Variants in RGPD3 observed in about 807,000 individuals in gnomAD.
RGPD3 encodes ranBP2-like and GRIP domain-containing protein 3.
In RGPD3, 62 loss-of-function variants were observed where a neutral mutation model predicts 154.5. The observed-to-expected ratio is 0.40, with a 90% CI of 0.33 to 0.50. RGPD3 has a LOEUF of 0.50. Among genes scored for constraint, RGPD3 ranks in the 20% least tolerant of loss-of-function variants. The probability of loss-of-function intolerance (pLI) is 0.59; values close to 1 mark genes in which losing one functional copy is unlikely to be tolerated. For synonymous variants in RGPD3, 308 were observed against 607.0 expected (o/e 0.51, Z 7.24); for missense variants, 919 against 1,716.8 (o/e 0.54, Z 8.21).
chr2:106,426,079 G>A lies in RGPD3; in HGVS notation c.2615C>T (p.Thr872Ile), dbSNP rs746213307. Residue 872 changes from threonine to isoleucine, a missense_variant, in exon 19 of 23, where the codon ACT becomes ATT. Transcript: ENST00000409886. ...CTGACTATAATATACTGAAGGGCCA[G>A]TAGTTGCAACTAAAAAAAAAAAAGA... ...FHGAPLTVAT[T>I]GPSVYYSQSP... is the part of the protein sequence containing the mutation. The A allele has an allele frequency of 5.0e-6, 8 of 1,591,114 alleles. No individual in the cohort carries two copies. The African/African-American group carries it at 6.8e-5, about 14-fold the overall frequency.
At chr2:106,461,724 T>A (rs1474800849) in intron 1 of RGPD3, among the ~76,000 whole-genome samples, 1 of 151,326 alleles carries the variant, frequency 6.6e-6, no homozygotes, top group Non-Finnish European at 1.5e-5. Flanking sequence ...TGGGAATAAA[T>A]GTAAACAAGG....
At chr2:106,444,675 A>G (rs1677852303) in intron 7 of RGPD3, among the ~76,000 whole-genome samples, 1 of 145,900 alleles carries the variant, frequency 6.9e-6, no homozygotes, top group East Asian at 2.0e-4. Flanking sequence ...AAATTTAACA[A>G]TGTAGCCAGG....
upstream of RGPD3, among the ~76,000 whole-genome samples, chr2:106,470,144 A>G (rs965514915): frequency 1.3e-5 from 2 of 152,240 alleles, no homozygotes; most frequent in African/African-American, 2.4e-5. Flanking sequence ...TGCCTAGCAC[A>G]TAGAAAATGC....
At chr2:106,449,729 C>G (rs1234597473) in intron 6 of RGPD3, among the ~76,000 whole-genome samples, 1 of 151,214 alleles carries the variant, frequency 6.6e-6, no homozygotes, top group South Asian at 2.1e-4. Flanking sequence ...GTCAAGAGAT[C>G]GAGACCAGCC....
Position 106,465,053 on chromosome 2 carries a change from G to A in RGPD3, c.72+3164C>T, listed in dbSNP as rs529316245. Among the ~76,000 whole-genome samples, 4 of 151,700 alleles carry A rather than the reference G, an allele frequency of 2.6e-5. No homozygotes were observed. In the South Asian group the frequency reaches 8.4e-4, roughly 32 times the overall value. On this transcript the variant is annotated intron_variant, in intron 1 of 22. Transcript: ENST00000409886. ...AACAAGAGGAGACTAACAAATGAAA[G>A]CACAATGGAAGACTAGAAAGATATG... is the stretch of plus-strand genomic sequence containing the variant.
At position 106,464,117 on chromosome 2, in the gene RGPD3, A is replaced by G. The variant is rs7573837; in HGVS notation, c.72+4100T>C. Among the ~76,000 whole-genome samples, 341 of 131,480 alleles carry G rather than the reference A, an allele frequency of 2.6e-3. 2 individuals are homozygous for G. The highest frequency in any genetic ancestry group is 9.9e-3 in the South Asian group (39 of 3,942). 86.3% of individuals were successfully genotyped at this position (131,480 alleles called of 152,430 possible). On this transcript the variant is annotated intron_variant, in intron 1 of 22. Coordinates refer to ENST00000409886, the MANE Select transcript of RGPD3 (RefSeq NM_001144013.2). ...TCCCGGCACTTTGGGAGGCTGAGGC[A>G]GGCGGATCATGAGGTCAGGAGATCG...
chr2:106,446,752 C>T (rs1175656446), intron 7 of RGPD3, among the ~76,000 whole-genome samples: 4 of 138,966 alleles, frequency 2.9e-5, no homozygotes, highest in Non-Finnish European at 4.7e-5. Flanking sequence ...CTTGGTAGCA[C>T]GGGCCTGTAG....
chr2:106,444,669 T>G (rs1220353938), intron 7 of RGPD3, among the ~76,000 whole-genome samples: 7 of 144,214 alleles, frequency 4.9e-5, no homozygotes, highest in African/African-American at 1.6e-4. Flanking sequence ...TACAAAAAAT[T>G]TAACAATGTA....
intron 7 of RGPD3, among the ~76,000 whole-genome samples, chr2:106,442,567 A>C (rs1677784436): frequency 7.4e-6 from 1 of 135,838 alleles, no homozygotes; most frequent in Non-Finnish European, 1.6e-5. Flanking sequence ...CAAATATTAA[A>C]ATTATTTTAT....
chr2:106,414,869 C>T (rs894935106), intron 21 of RGPD3, among the ~76,000 whole-genome samples: 3 of 151,764 alleles, frequency 2.0e-5, no homozygotes, highest in African/African-American at 4.8e-5. Context: ...CTATTAGGAG[C>T]AGCAAAGTAC....
intron 7 of RGPD3, among the ~76,000 whole-genome samples, chr2:106,446,889 T>TA (rs1440571118): frequency 6.7e-6 from 1 of 148,546 alleles, no homozygotes; most frequent in Non-Finnish European, 1.5e-5. Flanking sequence ...TCAAAAAAAA[T>TA]AAAAAAATAA....
chr2:106,432,337 C>T (rs1209792651), intron 17 of RGPD3, among the ~76,000 whole-genome samples: 1 of 148,084 alleles, frequency 6.8e-6, no homozygotes, highest in Non-Finnish European at 1.5e-5. Flanking sequence ...CCTGTAATCC[C>T]AGCTACTCGG....
Position 106,403,952 on chromosome 2 carries a change from A to G in RGPD3, c.*1267T>C, listed in dbSNP as rs1676436410. 6.6e-6 allele frequency among the ~76,000 whole-genome samples: 1 copy of G among 152,274 alleles called. No homozygotes were observed. Among genetic ancestry groups the G allele is most frequent in the Non-Finnish European group, 1.5e-5 (1 of 68,052 alleles). ...AGAGAGCATACTATGTGATTAATACATAAATATTAAAAATTATCCAATTTT... is the reference window on the plus strand; with the variant it reads ...AGAGAGCATACTATGTGATTAATACGTAAATATTAAAAATTATCCAATTTT... On this transcript the variant is annotated 3_prime_UTR_variant, in exon 23 of 23. Transcript: ENST00000409886.
At chr2:106,448,622 T>C (rs1481895836) in intron 6 of RGPD3, among the ~76,000 whole-genome samples, 1 of 150,662 alleles carries the variant, frequency 6.6e-6, no homozygotes, top group Non-Finnish European at 1.5e-5. Context: ...AAGCTAAAAT[T>C]ACTTTTACAA....
intron 18 of RGPD3, among the ~76,000 whole-genome samples, chr2:106,428,700 A>T (rs926589467): frequency 4.6e-5 from 7 of 151,830 alleles, no homozygotes; most frequent in African/African-American, 1.7e-4. Flanking sequence ...AGAGAGAAAA[A>T]AAAGGGCACT....
At chr2:106,408,843 GA>G (rs1676586686) in intron 22 of RGPD3, among the ~76,000 whole-genome samples, 1 of 151,490 alleles carries the variant, frequency 6.6e-6, no homozygotes, top group South Asian at 2.1e-4. Context: ...CATGCCACCA[GA>G]ACGGGCATAT....
rs1352130720 is a variant in RGPD3, at chr2:106,424,716, T to A, written c.3251A>T (p.Asn1084Ile). The A allele has an allele frequency of 6.2e-7, 1 of 1,611,874 alleles. No individual in the cohort carries two copies. Among genetic ancestry groups the A allele is most frequent in the Non-Finnish European group, 8.5e-7 (1 of 1,179,862 alleles). Residue 1084 changes from asparagine to isoleucine, a missense_variant, in exon 20 of 23, where the codon AAC becomes ATC. Asn to Ile is a moderately radical substitution (Grantham distance 149). Coordinates refer to ENST00000409886, the MANE Select transcript of RGPD3 (RefSeq NM_001144013.2). ...GACCTCGTTTTTGAGAATTTTTAAG[T>A]TCCCCAAGCCCCTTTCTTTCCACTG... ...VSQWKERGLG[N>I]LKILKNEVNG...
At chr2:106,461,380 A>C (rs1363092516) in intron 1 of RGPD3, among the ~76,000 whole-genome samples, 1 of 151,920 alleles carries the variant, frequency 6.6e-6, no homozygotes, top group Non-Finnish European at 1.5e-5. Context: ...TTGATCTGAT[A>C]ACTGAGATGG....
At chr2:106,412,321 T>TTTTTTTTTTTTTTTTG (rs1558833076) in intron 22 of RGPD3, among the ~76,000 whole-genome samples, 1 of 99,978 alleles carries the variant, frequency 1.0e-5, no homozygotes, top group Non-Finnish European at 2.1e-5. Context: ...TTTTTTTTTT[T>TTTTTTTTTTTTTTTTG]TTTTTTTTTT....
Sources: allele counts gnomAD v4.1 joint callset (sites outside exome capture counted in the v4.1 genomes callset), GRCh38; gene constraint gnomAD v4.1.1; transcripts MANE v1.5; gene names NCBI Gene and HGNC (gene_info 2026-07-23, HGNC 2026-07-21).